Variants in TLL1 observed in about 807,000 individuals in gnomAD.
The protein encoded by TLL1 is tolloid like 1, also known as tolloid-like protein 1.
In TLL1, 49 loss-of-function variants were observed where a neutral mutation model predicts 128.2. The ratio of observed to expected loss-of-function variants is 0.38; its 90% CI spans 0.30 to 0.48. The LOEUF (loss-of-function observed/expected upper bound fraction) is 0.48, where lower values mean the gene tolerates loss of function less well. Among genes scored for constraint, TLL1 ranks in the 20% least tolerant of loss-of-function variants. TLL1 has a pLI of 0.96. For synonymous variants in TLL1, 454 were observed against 418.8 expected (o/e 1.08, Z -1.03); for missense variants, 1,123 against 1,242.0 (o/e 0.90, Z 1.44).
chr4:166,057,399 C>T lies in TLL1; in HGVS notation c.1846+90C>T, dbSNP rs1740073788. The T allele has an allele frequency of 3.2e-6, 5 of 1,549,874 alleles. No individual in the cohort carries two copies. The South Asian group carries it at 3.5e-5, about 11-fold the overall frequency. On this transcript the variant is annotated intron_variant, in intron 14 of 20. Coordinates refer to ENST00000061240, the MANE Select transcript of TLL1 (RefSeq NM_012464.5). ...TCTGTCTGTCTTCCTCTTTCTTTCC[C>T]TTTTTCCTATAGTGACCTCTTTCCT...
intron 19 of TLL1, among the ~76,000 whole-genome samples, chr4:166,098,634 T>C (rs552728240): frequency 5.3e-5 from 8 of 151,980 alleles, no homozygotes; most frequent in African/African-American, 1.9e-4. Flanking sequence ...TAATTAATGA[T>C]ATATGTAGGT....
intron 9 of TLL1, among the ~76,000 whole-genome samples, chr4:166,029,140 C>T (rs1210543143): frequency 6.6e-6 from 1 of 151,632 alleles, no homozygotes; most frequent in Non-Finnish European, 1.5e-5. Context: ...CCCCCTTTGC[C>T]TTCTTATGCA....
rs1216571719 is a variant in TLL1 at position 165,995,000 on chromosome 4, C to G, written c.515-61C>G. 9.5e-6 allele frequency: 13 copies of G among 1,361,550 alleles called. No individual in the cohort carries two copies. In the Admixed American group the frequency reaches 2.0e-4, roughly 21 times the overall value. 84.3% of individuals were successfully genotyped at this position (1,361,550 alleles called of 1,614,324 possible). ...TCAGCCAGACTTAGGGTAGAGGATG[C>G]AGCAAGAAGCATTCTTCCTGGGGAT... On this transcript the variant is annotated intron_variant, in intron 4 of 20. Coordinates refer to ENST00000061240, the MANE Select transcript of TLL1 (RefSeq NM_012464.5).
intron 12 of TLL1, among the ~76,000 whole-genome samples, chr4:166,043,814 C>CTT (rs35370029): frequency 0.014 from 2,129 of 148,212 alleles, 28 homozygotes; most frequent in Non-Finnish European, 0.022. Flanking sequence ...CATTTTTCAC[C>CTT]TTTTTTTTTT....
chr4:165,915,366 TC>T (rs1732731944), intron 1 of TLL1, among the ~76,000 whole-genome samples: 1 of 152,194 alleles, frequency 6.6e-6, no homozygotes, highest in Admixed American at 6.5e-5. Flanking sequence ...GATTAAGTCT[TC>T]CTGCAGTCTG....
chr4:166,051,287 TTCCC>T (rs1347489748), intron 12 of TLL1, among the ~76,000 whole-genome samples: 2 of 100,650 alleles, frequency 2.0e-5, no homozygotes, highest in African/African-American at 6.8e-5. Context: ...CCCTTCTTTC[TTCCC>T]TCCCTCCTTT....
At chr4:166,063,679 A>C (rs751410082) in intron 15 of TLL1, among the ~76,000 whole-genome samples, 5 of 152,172 alleles carry the variant, frequency 3.3e-5, no homozygotes, top group African/African-American at 1.2e-4. Flanking sequence ...TGATGAGTTC[A>C]TGTCCTTTGT....
rs182630772 is a variant in TLL1, at chr4:166,013,083, A to G, written c.918-1353A>G. Among the ~76,000 whole-genome samples the G allele has an allele frequency of 9.4e-4, 143 of 151,772 alleles. 2 individuals are homozygous for G. The South Asian group carries it at 0.02, about 21-fold the overall frequency. On this transcript the variant is annotated intron_variant, in intron 7 of 20. Transcript: ENST00000061240. ...TGTTTCTTGTTCTTTCTGTCTGGAA[A>G]CACTGTACTGCCCGTTACCCATATT...
chr4:165,946,014 TAGAG>T (rs1237452129), intron 1 of TLL1, among the ~76,000 whole-genome samples: 1 of 152,136 alleles, frequency 6.6e-6, no homozygotes, highest in East Asian at 1.9e-4. Context: ...AGAGAGAAAT[TAGAG>T]AGAAATGAAG....
intron 14 of TLL1, among the ~76,000 whole-genome samples, chr4:166,059,646 A>T (rs773189570): frequency 2.0e-5 from 3 of 152,042 alleles, no homozygotes; most frequent in African/African-American, 7.2e-5. Context: ...CTCAATTCCG[A>T]CAAAAAAAAA....
intron 19 of TLL1, among the ~76,000 whole-genome samples, chr4:166,091,989 T>G (rs1252542068): frequency 1.2e-4 from 19 of 152,068 alleles, no homozygotes; most frequent in Non-Finnish European, 2.4e-4. Context: ...GGAGACAGTT[T>G]AGTTATATGT....
intron 15 of TLL1, among the ~76,000 whole-genome samples, chr4:166,065,036 G>T (rs1309642020): frequency 6.6e-6 from 1 of 152,030 alleles, no homozygotes; most frequent in Admixed American, 6.6e-5. Context: ...CCATAAAATT[G>T]CTTAAGAATA....
At chr4:165,912,376 G>T (rs897807361) in intron 1 of TLL1, among the ~76,000 whole-genome samples, 2 of 152,118 alleles carry the variant, frequency 1.3e-5, no homozygotes. Context: ...CTCCTTTGTT[G>T]CTTCCTACTT....
In TLL1 at chr4:166,091,286, G is replaced by A. The variant is rs1198638474; in HGVS notation, c.2601G>A (p.Arg867=). The A allele has an allele frequency of 6.2e-7, 1 of 1,612,966 alleles. No individual in the cohort carries two copies. Among genetic ancestry groups the A allele is most frequent in the Non-Finnish European group, 8.5e-7 (1 of 1,179,370 alleles). Residue 867 remains arginine, a synonymous_variant, in exon 19 of 21, where the codon CGG becomes CGA. Coordinates refer to ENST00000061240, the MANE Select transcript of TLL1 (RefSeq NM_012464.5). ...LVATGNKMFV[R]FVSDASVQRK... is the part of the protein sequence containing the mutation. The stretch of plus-strand genomic sequence containing the variant: ...CTACTGGAAATAAAATGTTTGTTCG[G>A]TTTGTTTCTGATGCATCTGTTCAAA...
intron 5 of TLL1, among the ~76,000 whole-genome samples, chr4:165,998,517 G>T (rs1346927010): frequency 1.3e-5 from 2 of 152,078 alleles, no homozygotes. Flanking sequence ...TTTTGAGCCG[G>T]ACGCGGTGGC....
At chr4:165,874,509 G>A (rs571621896) in intron 1 of TLL1, among the ~76,000 whole-genome samples, 53 of 152,232 alleles carry the variant, frequency 3.5e-4, no homozygotes, top group African/African-American at 1.2e-3. Context: ...AGTTGGCAGG[G>A]TTCCCCAAAA....
At position 166,043,362 on chromosome 4, in the gene TLL1, G is replaced by A; in HGVS notation, c.1467G>A (p.Val489=). 1.9e-6 allele frequency: 3 copies of A among 1,614,134 alleles called. No individual in the cohort carries two copies. The highest frequency in any genetic ancestry group is 2.5e-6 in the Non-Finnish European group (3 of 1,180,000). The change falls in exon 12 of 21, where the codon GTG becomes GTA. Residue 489 remains valine, a synonymous_variant. Transcript: ENST00000061240. ...PDDYRPMKEC[V]WKITVSESYH... is the part of the protein sequence containing the mutation. ...ACTATCGCCCGATGAAAGAATGTGT[G>A]TGGAAAATAACAGTGTCTGAGAGCT...
intron 1 of TLL1, among the ~76,000 whole-genome samples, chr4:165,921,028 GA>G (rs1474788069): frequency 2.6e-5 from 4 of 152,120 alleles, no homozygotes; most frequent in Non-Finnish European, 5.9e-5. Flanking sequence ...GAAGAGCGTG[GA>G]ACATGCAGTT....
chr4:166,003,127 C>T (rs78161858), intron 5 of TLL1, among the ~76,000 whole-genome samples: 2,043 of 152,040 alleles, frequency 0.013, 42 homozygotes, highest in African/African-American at 0.047. Flanking sequence ...GATGTATTTC[C>T]GAATGCTTCT....
Sources: allele counts gnomAD v4.1 joint callset (sites outside exome capture counted in the v4.1 genomes callset), GRCh38; gene constraint gnomAD v4.1.1; transcripts MANE v1.5; gene names NCBI Gene and HGNC (gene_info 2026-07-23, HGNC 2026-07-21).